PDE4D: variants seen among roughly 807,000 people sequenced by gnomAD.
PDE4D encodes the protein phosphodiesterase 4D.
A neutral mutation model predicts 87.4 loss-of-function variants in PDE4D; 24 were observed. That is an observed-to-expected ratio of 0.27 (90% CI 0.20 to 0.39). The LOEUF (loss-of-function observed/expected upper bound fraction) is 0.39, where lower values mean the gene tolerates loss of function less well. Among genes scored for constraint, PDE4D ranks in the 10% least tolerant of loss-of-function variants. The pLI is 1.00. For synonymous variants in PDE4D, 384 were observed against 383.2 expected, an observed-to-expected ratio of 1.00 and a Z score of -0.02; for missense variants, 714 against 1,041.0, an observed-to-expected ratio of 0.69 and a Z score of 4.32.
chr5:60,280,555 C>G (rs1004120498), intron 1 of PDE4D, among the ~76,000 whole-genome samples: 1 of 151,878 alleles, frequency 6.6e-6, no homozygotes. Context: ...AGAAACAAAC[C>G]AGGAACAAGT....
intron 1 of PDE4D, among the ~76,000 whole-genome samples, chr5:59,800,396 A>G (rs894399559): frequency 2.0e-5 from 3 of 152,286 alleles, no homozygotes; most frequent in South Asian, 2.1e-4. Flanking sequence ...TGATCACACT[A>G]TATAGTAAAT....
At chr5:60,081,049 A>T (rs893451965) in intron 2 of PDE4D, among the ~76,000 whole-genome samples, 10 of 152,094 alleles carry the variant, frequency 6.6e-5, no homozygotes, top group Non-Finnish European at 1.5e-4. Context: ...TACTGCCTCC[A>T]TTTTAGAGAC....
chr5:60,239,882 A>C (rs185459845), intron 1 of PDE4D, among the ~76,000 whole-genome samples: 9 of 152,202 alleles, frequency 5.9e-5, no homozygotes, highest in African/African-American at 2.2e-4. Context: ...TACTAATAAC[A>C]ATTAGGTTTC....
At chr5:59,649,905 CTTTT>C (rs1156467369) in intron 1 of PDE4D, among the ~76,000 whole-genome samples, 5 of 72,404 alleles carry the variant, frequency 6.9e-5, no homozygotes, top group African/African-American at 3.3e-4. Context: ...GTTTGTGAAC[CTTTT>C]TTTTTTTTTT....
At chr5:59,219,100 C>G (rs1343889004) in intron 1 of PDE4D, among the ~76,000 whole-genome samples, 1 of 147,086 alleles carries the variant, frequency 6.8e-6, no homozygotes, top group South Asian at 2.2e-4. Flanking sequence ...TGCTAGATGA[C>G]GAGTTAGTGG....
chr5:59,358,669 T>C (rs182159512), intron 1 of PDE4D, among the ~76,000 whole-genome samples: 5 of 151,966 alleles, frequency 3.3e-5, no homozygotes, highest in Non-Finnish European at 7.4e-5. Flanking sequence ...GTAAGATAAC[T>C]GGTGATCTGC....
At chr5:60,257,259 AAAGAAAG>A in intron 1 of PDE4D, among the ~76,000 whole-genome samples, 1 of 150,836 alleles carries the variant, frequency 6.6e-6, no homozygotes, top group African/African-American at 2.5e-5. Flanking sequence ...AAAGAAAAGA[AAAGAAAG>A]AGAGAAAGAG....
chr5:59,184,741 T>C (rs560437618), intron 4 of PDE4D, among the ~76,000 whole-genome samples: 1 of 152,190 alleles, frequency 6.6e-6, no homozygotes, highest in African/African-American at 2.4e-5. Context: ...GCTCCATGAA[T>C]GCTGCTGATC....
chr5:59,140,441 A>G (rs1257067053), intron 5 of PDE4D, among the ~76,000 whole-genome samples: 1 of 152,194 alleles, frequency 6.6e-6, no homozygotes, highest in East Asian at 1.9e-4. Flanking sequence ...TGGTGGAGTT[A>G]GTTTATTTCT....
intron 1 of PDE4D, among the ~76,000 whole-genome samples, chr5:59,456,886 T>G (rs1170016412): frequency 6.6e-6 from 1 of 152,202 alleles, no homozygotes; most frequent in South Asian, 2.1e-4. Context: ...CCTGAAGATG[T>G]GACTGAATTG....
intron 2 of PDE4D, among the ~76,000 whole-genome samples, chr5:60,104,529 T>A (rs1326941352): frequency 6.6e-6 from 1 of 152,224 alleles, no homozygotes; most frequent in East Asian, 1.9e-4. Flanking sequence ...AGCATGCAGC[T>A]GGAGATCTGA....
In PDE4D at chr5:59,714,595, G is replaced by A. The variant is rs145031404; in HGVS notation, c.455+178573C>T. Reference sequence around the variant, plus strand: ...CTATTACAGATTTGATGGACCGCTTGATGATGGAATTTGGACAGTGCCACT... The same window carrying A: ...CTATTACAGATTTGATGGACCGCTTAATGATGGAATTTGGACAGTGCCACT... On this transcript the variant is annotated intron_variant, in intron 1 of 14. Coordinates refer to ENST00000340635, the MANE Select transcript of PDE4D (RefSeq NM_001104631.2). Among the ~76,000 whole-genome samples, 18 of 152,348 alleles carry A rather than the reference G, an allele frequency of 1.2e-4. No homozygotes were observed. In the East Asian group the frequency reaches 3.5e-3, roughly 29 times the overall value.
At chr5:60,258,790 T>C (rs545461101) in intron 1 of PDE4D, among the ~76,000 whole-genome samples, 3 of 152,096 alleles carry the variant, frequency 2.0e-5, no homozygotes, top group East Asian at 3.9e-4. Flanking sequence ...AAAAATTTTA[T>C]TGTAAAAATA....
chr5:59,284,540 A>G (rs187337915), intron 1 of PDE4D, among the ~76,000 whole-genome samples: 38 of 151,488 alleles, frequency 2.5e-4, no homozygotes, highest in African/African-American at 8.5e-4. Flanking sequence ...TAGAATGGCA[A>G]TCATTAAAAA....
intron 1 of PDE4D, among the ~76,000 whole-genome samples, chr5:60,326,398 A>G (rs1230656330): frequency 2.0e-5 from 3 of 152,164 alleles, no homozygotes; most frequent in South Asian, 2.1e-4. Context: ...AAGGTAAAAG[A>G]TAAGTATAAG....
intron 3 of PDE4D, among the ~76,000 whole-genome samples, chr5:59,966,482 C>A (rs1451909166): frequency 6.6e-6 from 1 of 152,260 alleles, no homozygotes; most frequent in Middle Eastern, 3.4e-3. Flanking sequence ...CTTGTGCATA[C>A]AAAATGCTGC....
At chr5:59,418,681 C>T (rs1263065814) in intron 1 of PDE4D, among the ~76,000 whole-genome samples, 1 of 152,092 alleles carries the variant, frequency 6.6e-6, no homozygotes, top group Non-Finnish European at 1.5e-5. Flanking sequence ...CAGAGTCTTA[C>T]TCTGTCTCCC....
intron 1 of PDE4D, among the ~76,000 whole-genome samples, chr5:59,338,401 G>A (rs1277406708): frequency 1.3e-5 from 2 of 152,172 alleles, no homozygotes; most frequent in African/African-American, 2.4e-5. Flanking sequence ...GGTGAAAATA[G>A]TATTCTTGGT....
intron 1 of PDE4D, among the ~76,000 whole-genome samples, chr5:60,419,340 G>T (rs1210808701): frequency 6.6e-6 from 1 of 151,812 alleles, no homozygotes; most frequent in Non-Finnish European, 1.5e-5. Flanking sequence ...TAGCCTCCAA[G>T]ATATGTCATT....
Sources: gnomAD v4.1 joint callset for allele counts (sites outside exome capture counted in the v4.1 genomes callset) on GRCh38, gnomAD v4.1.1 for gene constraint, MANE v1.5 for transcripts, NCBI Gene and HGNC (gene_info 2026-07-23, HGNC 2026-07-21) for gene names.